The following AMMECR1 variants were observed in gnomAD, a reference collection of about 807,000 sequenced individuals.
The protein encoded by AMMECR1 is nuclear protein AMMECR1.
A neutral mutation model predicts 22.5 loss-of-function variants in AMMECR1; 3 were observed. The ratio of observed to expected loss-of-function variants is 0.13; its 90% confidence interval spans 0.06 to 0.35. The LOEUF is 0.35. Ranked by LOEUF, AMMECR1 falls within the 10% of genes least tolerant of loss-of-function variation. The pLI is 1.00. For missense variants in AMMECR1, 235 were observed against 278.7 expected (o/e 0.84, Z 1.12); for synonymous variants, 130 against 116.7 (o/e 1.11, Z -0.74).
At chrX:110,368,045 T>C (rs2068310938) in intron 2 of AMMECR1, among the ~76,000 whole-genome samples, 2 of 106,314 alleles carry the variant, frequency 1.9e-5, no homozygotes, top group African/African-American at 6.8e-5. Context: ...CTTGCTTTGT[T>C]GCCCAGGCTG....
At chrX:110,387,916 C>T (rs1453135083) in intron 2 of AMMECR1, among the ~76,000 whole-genome samples, 4 of 94,674 alleles carry the variant, frequency 4.2e-5, no homozygotes, top group African/African-American at 1.7e-4. Context: ...GGCTGGAGTG[C>T]GGTGGTGCGA....
At chrX:110,435,757 C>T (rs763990520) in intron 1 of AMMECR1, among the ~76,000 whole-genome samples, 1 of 112,182 alleles carries the variant, frequency 8.9e-6, no homozygotes, top group East Asian at 2.8e-4. Flanking sequence ...TTACACTCAT[C>T]ATCTCATTTA....
At chrX:110,368,457 C>T (rs1029959707) in intron 2 of AMMECR1, among the ~76,000 whole-genome samples, 57 of 111,607 alleles carry the variant, frequency 5.1e-4, no homozygotes, top group African/African-American at 1.8e-3. Flanking sequence ...CAAGAAAACT[C>T]CCAGAGGTCC....
At chrX:110,368,515 G>A (rs751918190) in intron 2 of AMMECR1, among the ~76,000 whole-genome samples, 8 of 111,911 alleles carry the variant, frequency 7.1e-5, no homozygotes, top group Non-Finnish European at 1.5e-4. Context: ...AGAGTGTCAT[G>A]CTTATTCACT....
rs957424753 is a variant in AMMECR1 at position 110,425,975 on chromosome X, T to C, written c.-148+683A>G. ...AGGATTTATAAGTTTAGTGCGTGCG[T>C]GCGCGCACACACACACACACACAAA... On this transcript the variant is annotated intron_variant, in intron 2 of 7. Coordinates refer to the AMMECR1 transcript ENST00000372057. 4.5e-5 allele frequency among the ~76,000 whole-genome samples: 5 copies of C among 110,027 alleles called. No individual in the cohort carries two copies. In the East Asian group the frequency reaches 1.1e-3, roughly 25 times the overall value.
intron 1 of AMMECR1, among the ~76,000 whole-genome samples, chrX:110,303,239 C>T (rs1031411697): frequency 4.5e-4 from 50 of 111,417 alleles, no homozygotes; most frequent in African/African-American, 1.5e-3. Flanking sequence ...AATCAGGGCC[C>T]GTTAGACCTA....
At chrX:110,379,976 A>C (rs919191901) in intron 2 of AMMECR1, among the ~76,000 whole-genome samples, 1 of 111,878 alleles carries the variant, frequency 8.9e-6, no homozygotes, top group Non-Finnish European at 1.9e-5. Flanking sequence ...GAGGAAACTG[A>C]GTCTCTGTGA....
chrX:110,416,602 AC>A (rs2068679311), intron 2 of AMMECR1, among the ~76,000 whole-genome samples: 1 of 111,243 alleles, frequency 9.0e-6, no homozygotes, highest in East Asian at 2.8e-4. Context: ...TTAGCATGCT[AC>A]CCCCTGTGCC....
intron 2 of AMMECR1, among the ~76,000 whole-genome samples, chrX:110,370,501 G>T (rs949349120): frequency 1.8e-5 from 2 of 112,411 alleles, no homozygotes; most frequent in Non-Finnish European, 3.8e-5. Context: ...GAGCCACTGC[G>T]CCCGGCCTAT....
At chrX:110,234,757 TG>T (rs1183362328) in intron 2 of AMMECR1, among the ~76,000 whole-genome samples, 1 of 111,578 alleles carries the variant, frequency 9.0e-6, no homozygotes, top group Non-Finnish European at 1.9e-5. Flanking sequence ...TAAATGGTGC[TG>T]GGAAAACTGG....
rs2067568164 is a variant in AMMECR1 at position 110,231,832 on chromosome X, A to C, written c.585-15200T>G. 3.6e-5 allele frequency among the ~76,000 whole-genome samples: 4 copies of C among 111,520 alleles called. No homozygotes were observed. The South Asian group carries it at 1.5e-3, about 43-fold the overall frequency. ...AGGGATGGAGGAAGATCTACCAAGC[A>C]AACAGAAAGCAAAAAAAAGCAGGGG... On this transcript the variant is annotated intron_variant, in intron 2 of 5. Coordinates refer to ENST00000262844, the MANE Select transcript of AMMECR1 (RefSeq NM_015365.3).
chrX:110,408,686 T>C (rs941525087), intron 2 of AMMECR1, among the ~76,000 whole-genome samples: 1 of 112,319 alleles, frequency 8.9e-6, no homozygotes, highest in Non-Finnish European at 1.9e-5. Flanking sequence ...GTGATGTTGC[T>C]TTTGGAATTA....
At chrX:110,439,271 G>A (rs1354568351) in intron 1 of AMMECR1, among the ~76,000 whole-genome samples, 1 of 111,909 alleles carries the variant, frequency 8.9e-6, no homozygotes, top group African/African-American at 3.3e-5. Flanking sequence ...CTTTCCTGGG[G>A]AGCCCTTAGT....
intron 1 of AMMECR1, among the ~76,000 whole-genome samples, chrX:110,295,978 T>A (rs2067933835): frequency 8.9e-6 from 1 of 111,888 alleles, no homozygotes; most frequent in Non-Finnish European, 1.9e-5. Context: ...CTTTATACTG[T>A]CTTTTATGTT....
intron 1 of AMMECR1, among the ~76,000 whole-genome samples, chrX:110,268,013 G>C (rs953008819): frequency 8.9e-6 from 1 of 112,287 alleles, no homozygotes; most frequent in African/African-American, 3.2e-5. Flanking sequence ...GAGGAGCAAA[G>C]ATGCTCCAAA....
At chrX:110,337,192 A>G (rs187100032) in intron 2 of AMMECR1, among the ~76,000 whole-genome samples, 1 of 110,990 alleles carries the variant, frequency 9.0e-6, no homozygotes, top group Admixed American at 9.6e-5. Flanking sequence ...AGAGATGGGT[A>G]CTCTAGGACC....
intron 2 of AMMECR1, among the ~76,000 whole-genome samples, chrX:110,424,905 T>C (rs753376192): frequency 8.9e-6 from 1 of 111,809 alleles, no homozygotes; most frequent in South Asian, 3.8e-4. Flanking sequence ...TATTGAGTGC[T>C]TTACTGTTAA....
intron 2 of AMMECR1, among the ~76,000 whole-genome samples, chrX:110,343,938 G>A (rs1165141436): frequency 4.5e-5 from 5 of 111,357 alleles, no homozygotes; most frequent in South Asian, 3.8e-4. Flanking sequence ...CTATAGATTC[G>A]ATGCCATCCC....
chrX:110,377,925 C>G (rs910079078), intron 2 of AMMECR1, among the ~76,000 whole-genome samples: 3 of 99,756 alleles, frequency 3.0e-5, no homozygotes, highest in Middle Eastern at 5.2e-3. Flanking sequence ...AGGAGAATGG[C>G]GTGAACCCGG....
Sources: gnomAD v4.1 joint callset for allele counts (sites outside exome capture counted in the v4.1 genomes callset) on GRCh38, gnomAD v4.1.1 for gene constraint, MANE v1.5 for transcripts, NCBI Gene and HGNC (gene_info 2026-07-23, HGNC 2026-07-21) for gene names.